Variants in WWOX observed in about 807,000 individuals in gnomAD.
WWOX encodes the protein WW domain-containing oxidoreductase.
In WWOX, 69 loss-of-function variants were observed where a neutral mutation model predicts 46.2. The ratio of observed to expected loss-of-function variants is 1.49; its 90% CI spans 1.23 to 1.82. The LOEUF (loss-of-function observed/expected upper bound fraction) is 1.82, where lower values mean the gene tolerates loss of function less well. WWOX is among the 40% of genes most tolerant of loss of function. WWOX has a pLI of 0.00. For synonymous variants in WWOX, 359 were observed against 202.6 expected (o/e 1.77, Z -6.56); for missense variants, 919 against 542.6 (o/e 1.69, Z -6.89).
intron 8 of WWOX, among the ~76,000 whole-genome samples, chr16:78,672,404 A>G (rs974007181): frequency 2.0e-5 from 3 of 152,134 alleles, no homozygotes; most frequent in Non-Finnish European, 4.4e-5. Flanking sequence ...ACACCAGAAA[A>G]TAGTGTATGG....
At chr16:78,679,656 T>G (rs1422760090) in intron 8 of WWOX, among the ~76,000 whole-genome samples, 4 of 152,256 alleles carry the variant, frequency 2.6e-5, no homozygotes, top group African/African-American at 9.6e-5. Flanking sequence ...TATTCCTGTT[T>G]CCTTGCCAGG....
Position 78,631,631 on chromosome 16 carries a change from C to G in WWOX, c.1056+198879C>G, listed in dbSNP as rs77776794. On this transcript the variant is annotated intron_variant, in intron 8 of 8. Transcript: ENST00000566780. ...TTGGCTCACTGCAGCTTCCTCCTCC[C>G]AGGCTCAAGAGATATTCTTGCCTCA... 2.3e-3 allele frequency among the ~76,000 whole-genome samples: 342 copies of G among 151,700 alleles called. 2 individuals are homozygous for G. The highest frequency in any genetic ancestry group is 7.6e-3 in the African/African-American group (314 of 41,392).
intron 8 of WWOX, among the ~76,000 whole-genome samples, chr16:78,623,999 T>A (rs1288299376): frequency 2.6e-5 from 4 of 152,142 alleles, no homozygotes; most frequent in Non-Finnish European, 5.9e-5. Context: ...AAAGTCCAGG[T>A]TGCACCATCC....
At chr16:78,600,590 G>A (rs1298909730) in intron 8 of WWOX, among the ~76,000 whole-genome samples, 2 of 152,134 alleles carry the variant, frequency 1.3e-5, no homozygotes, top group Non-Finnish European at 2.9e-5. Flanking sequence ...GTCCAGAGAG[G>A]TGAAGGACCC....
chr16:79,092,378 C>G (rs893431075), intron 8 of WWOX, among the ~76,000 whole-genome samples: 1 of 152,142 alleles, frequency 6.6e-6, no homozygotes, highest in Non-Finnish European at 1.5e-5. Context: ...AGCCTGTGGT[C>G]TTTAATATTA....
At chr16:78,146,788 C>A (rs1055993505) in intron 4 of WWOX, among the ~76,000 whole-genome samples, 4 of 152,142 alleles carry the variant, frequency 2.6e-5, no homozygotes, top group Non-Finnish European at 2.9e-5. Context: ...TATGTTATAA[C>A]CAAAAAGGTC....
At chr16:78,608,572 T>A (rs902435396) in intron 8 of WWOX, among the ~76,000 whole-genome samples, 1 of 152,172 alleles carries the variant, frequency 6.6e-6, no homozygotes, top group Non-Finnish European at 1.5e-5. Context: ...AAGAGTTAAG[T>A]GAGGTAAGTT....
chr16:78,960,032 C>A (rs1451377612), intron 8 of WWOX, among the ~76,000 whole-genome samples: 1 of 152,146 alleles, frequency 6.6e-6, no homozygotes, highest in African/African-American at 2.4e-5. Context: ...TTAGGTCTAC[C>A]AGTTAGTGGG....
chr16:78,301,600 C>T (rs1450763750), intron 5 of WWOX, among the ~76,000 whole-genome samples: 1 of 152,046 alleles, frequency 6.6e-6, no homozygotes, highest in African/African-American at 2.4e-5. Flanking sequence ...TTATCTCTAA[C>T]AGAATAGGCT....
intron 8 of WWOX, among the ~76,000 whole-genome samples, chr16:78,473,700 C>T (rs2084286722): frequency 6.6e-6 from 1 of 152,128 alleles, no homozygotes; most frequent in Non-Finnish European, 1.5e-5. Context: ...CCAACCTTGA[C>T]TTTGCCTGTG....
At chr16:79,031,727 A>G (rs1014887857) in intron 8 of WWOX, among the ~76,000 whole-genome samples, 7 of 147,114 alleles carry the variant, frequency 4.8e-5, no homozygotes, top group African/African-American at 1.5e-4. Flanking sequence ...GTTTTGCTTA[A>G]TAGGCTCTCT....
At chr16:78,920,445 C>G (rs1177969349) in intron 8 of WWOX, among the ~76,000 whole-genome samples, 17 of 152,186 alleles carry the variant, frequency 1.1e-4, no homozygotes, top group Admixed American at 1.1e-3. Context: ...ACCTATGGTT[C>G]TTTGGACCTG....
intron 8 of WWOX, among the ~76,000 whole-genome samples, chr16:79,054,405 A>G (rs1022462732): frequency 2.0e-5 from 3 of 152,210 alleles, no homozygotes; most frequent in African/African-American, 7.2e-5. Flanking sequence ...GAGGAGGAAA[A>G]TGCTTTTGGC....
chr16:78,367,036 G>T (rs2081550565), intron 5 of WWOX, among the ~76,000 whole-genome samples: 1 of 142,938 alleles, frequency 7.0e-6, no homozygotes, highest in Non-Finnish European at 1.5e-5. Context: ...CTGGAGTGCA[G>T]TGGTGTGATT....
At chr16:78,547,127 G>GA (rs199726097) in intron 8 of WWOX, among the ~76,000 whole-genome samples, 1,961 of 87,264 alleles carry the variant, frequency 0.022, 151 homozygotes, top group Non-Finnish European at 0.026. Flanking sequence ...CCTTGTCTCA[G>GA]AAAAAAAAAA....
At chr16:79,157,459 C>T (rs896768465) in intron 8 of WWOX, among the ~76,000 whole-genome samples, 1 of 151,462 alleles carries the variant, frequency 6.6e-6, no homozygotes, top group Non-Finnish European at 1.5e-5. Context: ...AAAACCATAC[C>T]TTCTTTGCAG....
At chr16:78,245,148 G>C (rs2037777024) in intron 5 of WWOX, among the ~76,000 whole-genome samples, 1 of 152,158 alleles carries the variant, frequency 6.6e-6, no homozygotes, top group Admixed American at 6.5e-5. Flanking sequence ...ATCCCATATG[G>C]ATAATAGTTT....
At chr16:78,187,763 A>T (rs1013173125) in intron 5 of WWOX, among the ~76,000 whole-genome samples, 1 of 152,236 alleles carries the variant, frequency 6.6e-6, no homozygotes, top group South Asian at 2.1e-4. Context: ...TCCAGGTTTC[A>T]GGACCCATGT....
Position 79,147,881 on chromosome 16 carries a change from G to C in WWOX, c.1057-63727G>C, listed in dbSNP as rs550507299. 3.3e-5 allele frequency among the ~76,000 whole-genome samples: 5 copies of C among 152,132 alleles called. No homozygotes were observed. The East Asian group carries it at 9.7e-4, about 29-fold the overall frequency. On this transcript the variant is annotated intron_variant, in intron 8 of 8. Transcript: ENST00000566780. Reference sequence around the variant, plus strand: ...GTTTGTCATCTATATATCCTCTTCGGTGAAATGTCTATTAATGTTTTTTTC... The same window carrying C: ...GTTTGTCATCTATATATCCTCTTCGCTGAAATGTCTATTAATGTTTTTTTC...
Sources: allele counts gnomAD v4.1 joint callset (sites outside exome capture counted in the v4.1 genomes callset), GRCh38; gene constraint gnomAD v4.1.1; transcripts MANE v1.5; gene names NCBI Gene and HGNC (gene_info 2026-07-23, HGNC 2026-07-21).